ARHGEF10: variants seen among roughly 807,000 people sequenced by gnomAD.
The protein encoded by ARHGEF10 is Rho guanine nucleotide exchange factor (GEF) 10.
A neutral mutation model predicts 147.4 loss-of-function variants in ARHGEF10; 140 were observed. That is an observed-to-expected ratio of 0.95 (90% CI 0.83 to 1.09). The LOEUF is 1.09. ARHGEF10 is among the 50% of genes least tolerant of loss of function. The pLI, the probability that ARHGEF10 is intolerant of heterozygous loss-of-function variation, is 0.00. For synonymous variants in ARHGEF10, 902 were observed against 695.8 expected (o/e 1.30, Z -4.67); for missense variants, 2,222 against 1,752.7 (o/e 1.27, Z -4.78).
chr8:1,945,929 T>A, intron 27 of ARHGEF10: 1 of 80,374 alleles, frequency 1.2e-5, no homozygotes, highest in Non-Finnish European at 2.4e-5. Flanking sequence ...GGCAGTGCCA[T>A]CTCTGTAGGT....
At chr8:1,903,502 C>G in intron 16 of ARHGEF10, 51 bp downstream of exon 16, 1 of 1,602,272 alleles carries the variant, frequency 6.2e-7, no homozygotes, top group Non-Finnish European at 8.5e-7. Flanking sequence ...TTGCTTTGTG[C>G]TAATAAGCTG....
chr8:1,897,820 G>A (rs1019658247), intron 14 of ARHGEF10, among the ~76,000 whole-genome samples: 2 of 152,124 alleles, frequency 1.3e-5, no homozygotes, highest in Admixed American at 6.5e-5. Context: ...TGGCTGCCAC[G>A]TGGCCTTGGG....
intron 9 of ARHGEF10, 27 bp downstream of exon 9, chr8:1,880,191 C>G (rs778075229): frequency 1.3e-6 from 2 of 1,531,168 alleles, no homozygotes; most frequent in South Asian, 1.1e-5. Flanking sequence ...GGCCGCTGCC[C>G]CCACTTGCCA....
intron 1 of ARHGEF10, among the ~76,000 whole-genome samples, chr8:1,837,900 C>T (rs886377105): frequency 5.3e-5 from 8 of 152,060 alleles, no homozygotes; most frequent in Admixed American, 2.0e-4. Flanking sequence ...GGTGAGGACT[C>T]GGGGTCGTGG....
intron 8 of ARHGEF10, among the ~76,000 whole-genome samples, chr8:1,879,578 G>A (rs997865436): frequency 6.6e-6 from 1 of 150,802 alleles, no homozygotes; most frequent in Non-Finnish European, 1.5e-5. Flanking sequence ...TTGGAGACAG[G>A]GTCTTACTCT....
Position 1,843,399 on chromosome 8 carries a change from C to T in ARHGEF10, c.-1C>T, listed in dbSNP as rs747531698. 6.2e-7 allele frequency: 1 copy of T among 1,613,264 alleles called. No individual in the cohort carries two copies. Among genetic ancestry groups the T allele is most frequent in the Non-Finnish European group, 8.5e-7 (1 of 1,179,998 alleles). On this transcript the variant is annotated 5_prime_UTR_variant, in exon 2 of 29. Coordinates refer to ENST00000349830, the MANE Select transcript of ARHGEF10 (RefSeq NM_014629.4). ...CTGAGAGAGGCATCTGGAGCTGCAGCATGGACCAGCGAGAGCCCCTGCCTC... is the reference window on the plus strand; with the variant it reads ...CTGAGAGAGGCATCTGGAGCTGCAGTATGGACCAGCGAGAGCCCCTGCCTC...
intron 11 of ARHGEF10, among the ~76,000 whole-genome samples, chr8:1,888,809 GTGGGGTGAGAGTTATGAGGAGACACTGAA>G (rs1809063117): frequency 1.1e-5 from 1 of 87,060 alleles, no homozygotes; most frequent in Non-Finnish European, 2.1e-5. Context: ...GAGACACTGA[GTGGGGTGAGAGTTATGAGGAGACACTGAA>G]TAGGGTGAGG....
chr8:1,886,827 G>C (rs1808700122), intron 11 of ARHGEF10, among the ~76,000 whole-genome samples: 1 of 152,178 alleles, frequency 6.6e-6, no homozygotes, highest in African/African-American at 2.4e-5. Context: ...GCGAGGAAGG[G>C]GTCGTGTCTG....
In ARHGEF10 at chr8:1,954,875, C is replaced by T. The variant is rs187542517; in HGVS notation, c.3521-1874C>T. On this transcript the variant is annotated intron_variant, in intron 28 of 28. Coordinates refer to ENST00000349830, the MANE Select transcript of ARHGEF10 (RefSeq NM_014629.4). ...CTGGGGTCAGTCCCTGCTGGTGCCA[C>T]AGCTATAGTGCTTTCCTCTCCCTGC... Among the ~76,000 whole-genome samples the T allele has an allele frequency of 1.6e-4, 24 of 152,384 alleles. No individual in the cohort carries two copies. The East Asian group carries it at 4.4e-3, about 28-fold the overall frequency.
intron 2 of ARHGEF10, among the ~76,000 whole-genome samples, chr8:1,846,961 G>T (rs899388710): frequency 1.3e-5 from 2 of 152,266 alleles, no homozygotes; most frequent in African/African-American, 2.4e-5. Flanking sequence ...CTCGTTTTTC[G>T]TAAGTGTCCT....
intron 2 of ARHGEF10, 70 bp from the exon 3 acceptor site, chr8:1,857,890 C>A: frequency 1.9e-6 from 2 of 1,036,632 alleles, no homozygotes. Context: ...ATCTATCTAT[C>A]TATCTATCTA....
intron 6 of ARHGEF10, among the ~76,000 whole-genome samples, 164 bp downstream of exon 6, chr8:1,866,766 C>T (rs1366880505): frequency 3.3e-5 from 5 of 152,340 alleles, no homozygotes; most frequent in Admixed American, 6.5e-5. Flanking sequence ...GAAGTTTCCC[C>T]GGGTTCCCTG....
intron 26 of ARHGEF10, among the ~76,000 whole-genome samples, chr8:1,944,071 G>A (rs116352023): frequency 8.2e-5 from 8 of 97,538 alleles, no homozygotes; most frequent in East Asian, 3.8e-4. Context: ...CCAGCCTCCC[G>A]CACCGTGTCA....
chr8:1,910,059 C>G (rs1478906800), intron 18 of ARHGEF10, among the ~76,000 whole-genome samples: 2 of 151,978 alleles, frequency 1.3e-5, no homozygotes, highest in Non-Finnish European at 2.9e-5. Flanking sequence ...AGATTTTAAT[C>G]TTAGTGTAAA....
In ARHGEF10 at chr8:1,854,817, C is replaced by T. The variant is rs150910869; in HGVS notation, c.38-3143C>T. Among the ~76,000 whole-genome samples, 319 of 152,324 alleles carry T rather than the reference C, an allele frequency of 2.1e-3. 2 individuals are homozygous for T. Among genetic ancestry groups the T allele is most frequent in the African/African-American group, 7.4e-3 (309 of 41,556 alleles). ...ATGATGTGCGTGTCACACATTGCCG[C>T]CAACCAGGTTTCCCACTGCACCTTG... On this transcript the variant is annotated intron_variant, in intron 2 of 28. Coordinates refer to ENST00000349830, the MANE Select transcript of ARHGEF10 (RefSeq NM_014629.4).
chr8:1,866,422 GACACACAC>G (rs57422654), intron 5 of ARHGEF10, 96 bp from the exon 6 acceptor site: 322 of 781,300 alleles, frequency 4.1e-4, no homozygotes, highest in African/African-American at 2.6e-3. Context: ...TATATATTCT[GACACACAC>G]ACACACACAC....
chr8:1,857,902 CT>C (rs1805690562), intron 2 of ARHGEF10, 57 bp from the exon 3 acceptor site: 7 of 1,243,242 alleles, frequency 5.6e-6, no homozygotes, highest in South Asian at 3.7e-5. Flanking sequence ...ATCTATCTAT[CT>C]ATCTATCTAT....
intron 2 of ARHGEF10, among the ~76,000 whole-genome samples, chr8:1,850,092 G>A (rs1488526442): frequency 1.5e-5 from 2 of 129,346 alleles, no homozygotes; most frequent in South Asian, 2.4e-4. Context: ...GGCAAATGCT[G>A]AGGAGGGCGT....
chr8:1,865,725 C>CT (rs35815236), intron 5 of ARHGEF10, among the ~76,000 whole-genome samples: 4 of 151,922 alleles, frequency 2.6e-5, no homozygotes, highest in Non-Finnish European at 1.5e-5. Context: ...CACGTGATTC[C>CT]GTTAGTGACC....
Sources: gnomAD v4.1 joint callset for allele counts (sites outside exome capture counted in the v4.1 genomes callset) on GRCh38, gnomAD v4.1.1 for gene constraint, MANE v1.5 for transcripts, NCBI Gene and HGNC (gene_info 2026-07-23, HGNC 2026-07-21) for gene names.